CNTN6: variants seen among roughly 807,000 people sequenced by gnomAD.
CNTN6 encodes the protein contactin-6.
Under a neutral mutation model 122.8 loss-of-function variants are expected in CNTN6, and 137 were observed. That is an observed-to-expected ratio of 1.12 (90% CI 0.97 to 1.29). The LOEUF is 1.29. Among genes scored for constraint, CNTN6 ranks in the 50% most tolerant of loss-of-function variants. The pLI, the probability that CNTN6 is intolerant of heterozygous loss-of-function variation, is 0.00. For missense variants in CNTN6, 1,634 were observed against 1,223.4 expected (o/e 1.34, Z -5.01); for synonymous variants, 570 against 426.0 (o/e 1.34, Z -4.16).
chr3:1,362,985 C>T lies in CNTN6; in HGVS notation c.1493-9314C>T, dbSNP rs544701210. On this transcript the variant is annotated intron_variant, in intron 12 of 22. Coordinates refer to ENST00000446702, the MANE Select transcript of CNTN6 (RefSeq NM_001289080.2). ...AGAAAATGAAATGACATTTTTAATG[C>T]GCTAAAGACAATACCAATAAGAATT... is the stretch of plus-strand genomic sequence containing the variant. Among the ~76,000 whole-genome samples, 77 of 151,850 alleles carry T rather than the reference C, an allele frequency of 5.1e-4. 2 individuals carry two copies. The highest frequency in any genetic ancestry group is 4.4e-3 in the South Asian group (21 of 4,810).
At chr3:1,389,279 A>G (rs990722979) in intron 20 of CNTN6, among the ~76,000 whole-genome samples, 1 of 152,040 alleles carries the variant, frequency 6.6e-6, no homozygotes, top group Non-Finnish European at 1.5e-5. Flanking sequence ...AAAGAAAACA[A>G]TTTCAACCCA....
In CNTN6 at chr3:1,342,825, C is replaced by A. The variant is rs189654016; in HGVS notation, c.1365-9499C>A. Among the ~76,000 whole-genome samples, 642 of 152,228 alleles carry A rather than the reference C, an allele frequency of 4.2e-3. 5 individuals are homozygous for A. Among genetic ancestry groups the A allele is most frequent in the Non-Finnish European group, 6.1e-3 (418 of 68,000 alleles). On this transcript the variant is annotated intron_variant, in intron 11 of 22. Transcript: ENST00000446702. ...AATAATGATTAAGATTTGTTTTATA[C>A]ACCAAGTCTTATCCTAGTGATTTGA...
Position 1,383,392 on chromosome 3 carries a change from G to C in CNTN6, c.2501G>C (p.Arg834Thr). 6.2e-7 allele frequency: 1 copy of C among 1,613,720 alleles called. No homozygotes were observed. Among genetic ancestry groups the C allele is most frequent in the Middle Eastern group, 1.6e-4 (1 of 6,062 alleles). The change falls in exon 19 of 23, where the codon AGA (arginine) becomes ACA (threonine). Residue 834 changes from arginine (R) to threonine (T), a missense_variant. By Grantham distance (71) the Arg-to-Thr change is moderately conservative. Coordinates refer to ENST00000446702, the MANE Select transcript of CNTN6 (RefSeq NM_001289080.2). The stretch of plus-strand genomic sequence containing the variant: ...ATTGCCTGGAATAGAAACACTGGAA[G>C]AGTGCTGGGCTATGAGGTAATCCAC... The part of the protein sequence containing the change: ...NAIAWNRNTG[R>T]VLGYEVLYWT...
intron 5 of CNTN6, among the ~76,000 whole-genome samples, chr3:1,285,659 G>C (rs1361673644): frequency 6.6e-6 from 1 of 152,098 alleles, no homozygotes; most frequent in Non-Finnish European, 1.5e-5. Context: ...GTTAGTGTTA[G>C]CTAACAACTA....
At chr3:1,390,862 G>T (rs1325941295) in intron 20 of CNTN6, among the ~76,000 whole-genome samples, 1 of 150,704 alleles carries the variant, frequency 6.6e-6, no homozygotes, top group Non-Finnish European at 1.5e-5. Flanking sequence ...CCAGGAAGAA[G>T]TTGAATCTCT....
At chr3:1,274,969 A>C (rs191241754) in intron 4 of CNTN6, among the ~76,000 whole-genome samples, 51 of 152,004 alleles carry the variant, frequency 3.4e-4, no homozygotes, top group African/African-American at 1.2e-3. Flanking sequence ...GCCCCCACCC[A>C]AATCAGTTTG....
intron 11 of CNTN6, among the ~76,000 whole-genome samples, chr3:1,335,920 C>G (rs1302266434): frequency 6.6e-6 from 1 of 151,946 alleles, no homozygotes; most frequent in East Asian, 2.0e-4. Context: ...CCTGTGGTGC[C>G]AGCTAATGGA....
At chr3:1,124,480 C>G (rs2092083499) in intron 1 of CNTN6, among the ~76,000 whole-genome samples, 2 of 151,826 alleles carry the variant, frequency 1.3e-5, no homozygotes, top group Admixed American at 1.3e-4. Flanking sequence ...TGTACTTTTT[C>G]TAATCCGAAC....
intron 5 of CNTN6, among the ~76,000 whole-genome samples, chr3:1,291,020 G>A (rs917599055): frequency 7.9e-5 from 12 of 152,102 alleles, no homozygotes; most frequent in East Asian, 1.9e-4. Flanking sequence ...TACACAGCCC[G>A]TATTCAAGAT....
rs933295780 is a variant in CNTN6 at position 1,159,316 on chromosome 3, G to A, written c.55+11253G>A. Among the ~76,000 whole-genome samples the A allele has an allele frequency of 2.0e-5, 3 of 152,086 alleles. No individual in the cohort carries two copies. In the East Asian group the frequency reaches 5.9e-4, roughly 30 times the overall value. On this transcript the variant is annotated intron_variant, in intron 2 of 22. Transcript: ENST00000446702. ...GCTACTAAGTGATTAAAGGTGGGTAGCATACACAGCGGGGGTGCACTGGAC... is the reference window on the plus strand; with the variant it reads ...GCTACTAAGTGATTAAAGGTGGGTAACATACACAGCGGGGGTGCACTGGAC...
intron 2 of CNTN6, among the ~76,000 whole-genome samples, chr3:1,165,685 C>T (rs2093231839): frequency 6.6e-6 from 1 of 152,136 alleles, no homozygotes; most frequent in African/African-American, 2.4e-5. Context: ...ATCTATATTA[C>T]CCAGGCAATA....
intron 1 of CNTN6, among the ~76,000 whole-genome samples, chr3:1,118,580 A>G (rs1316209321): frequency 6.6e-6 from 1 of 152,098 alleles, no homozygotes; most frequent in Non-Finnish European, 1.5e-5. Context: ...TGAGGTCATG[A>G]TTGGTGCACA....
intron 4 of CNTN6, among the ~76,000 whole-genome samples, chr3:1,276,600 A>G (rs1244899711): frequency 1.3e-5 from 2 of 152,262 alleles, no homozygotes; most frequent in South Asian, 2.1e-4. Flanking sequence ...ACGTCCCTAC[A>G]TTTTTTATAT....
chr3:1,387,105 TATCTA>T (rs1693125881), intron 20 of CNTN6, among the ~76,000 whole-genome samples: 1 of 151,230 alleles, frequency 6.6e-6, no homozygotes, highest in Non-Finnish European at 1.5e-5. Flanking sequence ...TTCATGTTCT[TATCTA>T]TTTATTAAAT....
chr3:1,277,383 C>T lies in CNTN6; in HGVS notation c.359-1030C>T, dbSNP rs562634578. Among the ~76,000 whole-genome samples the T allele has an allele frequency of 4.9e-4, 28 of 56,734 alleles. 2 individuals carry two copies. Among genetic ancestry groups the T allele is most frequent in the African/African-American group, 1.4e-3 (26 of 18,618 alleles). The allele number at this position is 56,734 out of a possible 152,430, so 37.2% of individuals were successfully genotyped here. A position where few individuals can be genotyped will look rare whatever the true frequency, so the allele number is the denominator to read the frequency against. ...TTTTTTTTTTTTTTTTTTTTGAGAC[C>T]GATTCTGGCTCTGTCTCTCAGGCTG... is the stretch of plus-strand genomic sequence containing the variant. On this transcript the variant is annotated intron_variant, in intron 4 of 22. Transcript: ENST00000446702.
chr3:1,247,237 A>T (rs749953584), intron 4 of CNTN6, among the ~76,000 whole-genome samples: 1 of 152,158 alleles, frequency 6.6e-6, no homozygotes, highest in African/African-American at 2.4e-5. Flanking sequence ...TAGGGATCCA[A>T]TTGAGCCAGA....
chr3:1,232,860 G>A (rs1196767531), intron 4 of CNTN6, among the ~76,000 whole-genome samples: 3 of 152,326 alleles, frequency 2.0e-5, no homozygotes, highest in East Asian at 3.9e-4. Context: ...ACCTTGACAT[G>A]TTAGTTTGTA....
At chr3:1,259,913 G>A (rs778569560) in intron 4 of CNTN6, among the ~76,000 whole-genome samples, 10 of 152,000 alleles carry the variant, frequency 6.6e-5, no homozygotes, top group Non-Finnish European at 1.3e-4. Flanking sequence ...TTTTTATTTA[G>A]AGGAATAAAG....
intron 4 of CNTN6, among the ~76,000 whole-genome samples, 170 bp from the exon 5 acceptor site, chr3:1,278,243 T>C (rs1559687781): frequency 6.6e-6 from 1 of 152,202 alleles, no homozygotes; most frequent in Non-Finnish European, 1.5e-5. Context: ...AAACACAAGA[T>C]TTTGCAAGAT....
Sources: gnomAD v4.1 joint callset for allele counts (sites outside exome capture counted in the v4.1 genomes callset) on GRCh38, gnomAD v4.1.1 for gene constraint, MANE v1.5 for transcripts, NCBI Gene and HGNC (gene_info 2026-07-23, HGNC 2026-07-21) for gene names.